Variants in GABRA3 observed in about 807,000 individuals in gnomAD.
GABRA3 encodes the protein gamma-aminobutyric acid type A receptor subunit alpha3, also known as gamma-aminobutyric acid receptor subunit alpha-3.
Under a neutral mutation model 30.1 loss-of-function variants are expected in GABRA3, and 10 were observed. That is an observed-to-expected ratio of 0.33 (90% confidence interval 0.20 to 0.56). The LOEUF (loss-of-function observed/expected upper bound fraction) is 0.56. Among genes scored for constraint, GABRA3 ranks in the 20% least tolerant of loss-of-function variants. The pLI is 0.89. For missense variants in GABRA3, 233 were observed against 392.0 expected, an observed-to-expected ratio of 0.59 and a Z score of 3.42; for synonymous variants, 151 against 146.8, an observed-to-expected ratio of 1.03 and a Z score of -0.21.
chrX:152,217,904 T>C (rs1193504917), intron 6 of GABRA3, among the ~76,000 whole-genome samples: 1 of 110,152 alleles, frequency 9.1e-6, no homozygotes, highest in Non-Finnish European at 1.9e-5. Context: ...TTTGCTGATC[T>C]TTTCAAATAA....
At chrX:152,403,560 ATGTGCACACGTGTGTGTGTG>A in intron 1 of GABRA3, among the ~76,000 whole-genome samples, 1 of 52,667 alleles carries the variant, frequency 1.9e-5, no homozygotes, top group African/African-American at 4.3e-5. Context: ...ACGTGTGTGT[ATGTGCACACGTGTGTGTGTG>A]TGTGTGTGTG....
intron 5 of GABRA3, among the ~76,000 whole-genome samples, chrX:152,231,456 A>G (rs934870594): frequency 1.1e-4 from 12 of 110,627 alleles, no homozygotes; most frequent in Non-Finnish European, 1.3e-4. Context: ...TAAAACTACA[A>G]TGAGATACTA....
intron 8 of GABRA3, among the ~76,000 whole-genome samples, chrX:152,194,111 A>C (rs1937356931): frequency 8.9e-6 from 1 of 112,431 alleles, no homozygotes; most frequent in Non-Finnish European, 1.9e-5. Flanking sequence ...TATATATTAC[A>C]TTATGTTCTA....
chrX:152,263,209 C>G (rs1938763268), intron 4 of GABRA3, among the ~76,000 whole-genome samples: 1 of 110,431 alleles, frequency 9.1e-6, no homozygotes, highest in African/African-American at 3.3e-5. Context: ...GGTGGGGACA[C>G]AGCTAAACCA....
At chrX:152,449,528 T>C (rs953576390) in intron 1 of GABRA3, among the ~76,000 whole-genome samples, 1 of 111,386 alleles carries the variant, frequency 9.0e-6, no homozygotes, top group Admixed American at 9.5e-5. Context: ...AAAAGTGAAG[T>C]ACGATTTTCA....
Position 152,334,166 on chromosome X carries a change from G to A in GABRA3, c.262+11415C>T, listed in dbSNP as rs150698031. ...GAAAGAACAATTGAAAAATTCTGAC[G>A]TTCCTGTTAAAAACTTTTAGCAAAC... On this transcript the variant is annotated intron_variant, in intron 3 of 9. Coordinates refer to ENST00000370314, the MANE Select transcript of GABRA3 (RefSeq NM_000808.4). Among the ~76,000 whole-genome samples, 451 of 111,660 alleles carry A rather than the reference G, an allele frequency of 4.0e-3. 5 individuals carry two copies. The highest frequency in any genetic ancestry group is 0.014 in the African/African-American group (418 of 30,861).
rs199522920 is a variant in GABRA3 at position 152,421,125 on chromosome X, ACACACAC to A, written c.-27+30014_-27+30020del. On this transcript the variant is annotated intron_variant, in intron 1 of 9. Transcript: ENST00000370314. ...CACACACACACACACACACACACACACACACACAAGGCACCTATATATACAATTAATA... is the reference window on the plus strand; with the variant it reads ...CACACACACACACACACACACACACAAAGGCACCTATATATACAATTAATA... Among the ~76,000 whole-genome samples, 469 of 109,446 alleles carry A rather than the reference ACACACAC, an allele frequency of 4.3e-3. 5 individuals carry two copies. Among genetic ancestry groups the A allele is most frequent in the African/African-American group, 0.015 (449 of 30,070 alleles).
chrX:152,255,663 G>A, intron 5 of GABRA3, 115 bp downstream of exon 5: 1 of 594,430 alleles, frequency 1.7e-6, no homozygotes, highest in Non-Finnish European at 2.8e-6. Context: ...ATACATACCT[G>A]TACATTTCTA....
Position 152,197,776 on chromosome X carries a change from A to G in GABRA3, c.788T>C (p.Val263Ala). The change falls in exon 8 of 10, where the codon GTC becomes GCC. Residue 263 changes from valine to alanine, a missense_variant. Val to Ala is a moderately conservative substitution (Grantham distance 64, BLOSUM62 0). Around this residue, in one of 6 missense-constraint regions of GABRA3, gnomAD observed 18 missense variants for 16.4 expected, o/e 1.09. Coordinates refer to ENST00000370314, the MANE Select transcript of GABRA3 (RefSeq NM_000808.4). ...EIIRSSTGEY[V>A]VMTTHFHLKR... ...GAGATGGAAGTGGGTTGTCATGACG[A>G]CATATTCTCCTAAAGAGAGAGTAAA... 1 of 1,207,675 alleles carries G rather than the reference A, an allele frequency of 8.3e-7. No individual in the cohort carries two copies. Among genetic ancestry groups the G allele is most frequent in the Non-Finnish European group, 1.1e-6 (1 of 892,302 alleles).
chrX:152,278,756 T>G (rs768317048), intron 4 of GABRA3, among the ~76,000 whole-genome samples: 1 of 111,924 alleles, frequency 8.9e-6, no homozygotes, highest in East Asian at 2.8e-4. Context: ...TTTCTCCACA[T>G]CCTCTCCAGT....
chrX:152,235,799 A>T (rs974113827), intron 5 of GABRA3, among the ~76,000 whole-genome samples: 13 of 110,681 alleles, frequency 1.2e-4, no homozygotes, highest in Non-Finnish European at 1.1e-4. Context: ...TGAGCTAGAG[A>T]TTCAATGCAA....
intron 3 of GABRA3, 137 bp downstream of exon 3, chrX:152,345,444 G>T (rs762622302): frequency 1.6e-6 from 1 of 624,944 alleles, no homozygotes; most frequent in East Asian, 3.5e-5. Context: ...AATTTTTAGT[G>T]CTCATAGGGA....
chrX:152,236,762 T>A (rs1423914931), intron 5 of GABRA3, among the ~76,000 whole-genome samples: 2 of 100,873 alleles, frequency 2.0e-5, no homozygotes, highest in Admixed American at 1.1e-4. Context: ...TGAGCATTTT[T>A]TCATGTGTTT....
intron 1 of GABRA3, among the ~76,000 whole-genome samples, chrX:152,365,105 G>A (rs935555749): frequency 9.0e-6 from 1 of 111,515 alleles, no homozygotes; most frequent in Non-Finnish European, 1.9e-5. Flanking sequence ...TACTATCCTA[G>A]TATATTAAGA....
At chrX:152,394,372 A>T (rs762787593) in intron 1 of GABRA3, 2 of 379,755 alleles carry the variant, frequency 5.3e-6, no homozygotes, top group African/African-American at 5.1e-5. Context: ...CAGAAAAATG[A>T]GTGGCTTTGT....
intron 3 of GABRA3, among the ~76,000 whole-genome samples, chrX:152,327,241 C>T (rs1281125971): frequency 1.8e-5 from 2 of 110,813 alleles, no homozygotes; most frequent in South Asian, 3.8e-4. Context: ...GACTCCCACA[C>T]AATAATAATG....
intron 3 of GABRA3, among the ~76,000 whole-genome samples, chrX:152,320,173 A>G (rs1421735227): frequency 9.0e-6 from 1 of 111,720 alleles, no homozygotes; most frequent in African/African-American, 3.3e-5. Flanking sequence ...AGATTCCTTA[A>G]AGAACTAAAA....
At chrX:152,353,360 C>T (rs896838893) in intron 2 of GABRA3, among the ~76,000 whole-genome samples, 1 of 111,727 alleles carries the variant, frequency 9.0e-6, no homozygotes, top group Non-Finnish European at 1.9e-5. Flanking sequence ...GCAGACATAT[C>T]GCAATTTAAA....
chrX:152,250,899 T>G (rs992565394), intron 5 of GABRA3, among the ~76,000 whole-genome samples: 16 of 111,039 alleles, frequency 1.4e-4, no homozygotes, highest in Admixed American at 3.8e-4. Flanking sequence ...TCTGAAAAAT[T>G]CTAAGTGTTC....
Sources: allele counts gnomAD v4.1 joint callset (sites outside exome capture counted in the v4.1 genomes callset), GRCh38; gene constraint gnomAD v4.1.1; regional missense constraint gnomAD v4.1.1; transcripts MANE v1.5; gene names NCBI Gene and HGNC (gene_info 2026-07-23, HGNC 2026-07-21).